Variants in SFMBT2 observed in about 807,000 individuals in gnomAD.
The protein encoded by SFMBT2 is scm-like with four MBT domains protein 2.
Under a neutral mutation model 110.1 loss-of-function variants are expected in SFMBT2, and 38 were observed. That is an observed-to-expected ratio of 0.35 (90% CI 0.27 to 0.45). The LOEUF is 0.45. Ranked by LOEUF, SFMBT2 falls within the 20% of genes least tolerant of loss-of-function variation. SFMBT2 has a pLI of 1.00. For synonymous variants in SFMBT2, 425 were observed against 425.4 expected (o/e 1.00, Z 0.01); for missense variants, 1,011 against 1,094.9 (o/e 0.92, Z 1.08).
intron 12 of SFMBT2, 130 bp from the exon 13 acceptor site, chr10:7,202,652 A>C: frequency 6.5e-7 from 1 of 1,540,656 alleles, no homozygotes; most frequent in African/African-American, 1.4e-5. Context: ...AAGTTACGTC[A>C]TTCATGCCAC....
intron 6 of SFMBT2, among the ~76,000 whole-genome samples, chr10:7,278,088 C>A (rs1841838854): frequency 6.6e-6 from 1 of 152,246 alleles, no homozygotes; most frequent in African/African-American, 2.4e-5. Context: ...GGGTAATTCA[C>A]AACCACACAT....
intron 7 of SFMBT2, among the ~76,000 whole-genome samples, chr10:7,258,461 A>G (rs987875329): frequency 1.4e-4 from 21 of 152,234 alleles, no homozygotes; most frequent in Non-Finnish European, 2.1e-4. Context: ...TGCACAGTAT[A>G]TAATTTTTTC....
chr10:7,228,687 CTT>C (rs1195207111), intron 9 of SFMBT2, among the ~76,000 whole-genome samples: 1 of 118,294 alleles, frequency 8.5e-6, no homozygotes, highest in Non-Finnish European at 1.7e-5. Context: ...TTCTTTCTTT[CTT>C]TCTTTCTTTC....
rs1846287520 is a variant in SFMBT2 at position 7,408,599 on chromosome 10, C to CCCCG, written c.-52+2258_-52+2261dup. On this transcript the variant is annotated intron_variant, in intron 1 of 20. Transcript: ENST00000397167. The surrounding 1 kb of genome is among the most constrained non-coding windows in gnomAD (Gnocchi z 5.7). ...GGACCGTGCGCGGCCTCCGTGTGGC[C>CCCCG]CCCGCCCACGAGGTCCCTCGGGCAG... 6.6e-6 allele frequency: 1 copy of CCCCG among 152,096 alleles called. No homozygotes were observed. 9.4% of individuals were successfully genotyped at this position (152,096 alleles called of 1,614,324 possible).
intron 9 of SFMBT2, among the ~76,000 whole-genome samples, chr10:7,229,949 C>T (rs1840065953): frequency 1.3e-5 from 2 of 151,706 alleles, no homozygotes; most frequent in Admixed American, 6.6e-5. Context: ...GAACTCCTGA[C>T]CTTATGATCC....
chr10:7,173,040 G>A (rs1011598875), intron 17 of SFMBT2, among the ~76,000 whole-genome samples: 3 of 152,192 alleles, frequency 2.0e-5, no homozygotes, highest in African/African-American at 7.2e-5. Flanking sequence ...TGAGGACACA[G>A]GGTGCAGGTG....
intron 4 of SFMBT2, among the ~76,000 whole-genome samples, chr10:7,358,698 T>G (rs1844608687): frequency 6.8e-6 from 1 of 147,496 alleles, no homozygotes; most frequent in Non-Finnish European, 1.5e-5. Flanking sequence ...AATGGAGGCA[T>G]GGTGGCTCTG....
intron 4 of SFMBT2, among the ~76,000 whole-genome samples, chr10:7,339,654 C>T (rs1312658235): frequency 6.6e-6 from 1 of 152,198 alleles, no homozygotes; most frequent in South Asian, 2.1e-4. Flanking sequence ...CATCCGCTGA[C>T]AGATTTCACA....
At chr10:7,320,220 T>C (rs965989511) in intron 4 of SFMBT2, among the ~76,000 whole-genome samples, 12 of 152,246 alleles carry the variant, frequency 7.9e-5, no homozygotes, top group Non-Finnish European at 1.2e-4. Flanking sequence ...GTTGCTTCCC[T>C]TTCCCATCAA....
chr10:7,328,681 T>C (rs1358030767), intron 4 of SFMBT2, among the ~76,000 whole-genome samples: 1 of 152,256 alleles, frequency 6.6e-6, no homozygotes, highest in Non-Finnish European at 1.5e-5. Context: ...GGAGTCTACA[T>C]AAAACAATTT....
intron 10 of SFMBT2, among the ~76,000 whole-genome samples, chr10:7,223,622 A>C (rs1021614772): frequency 6.6e-6 from 1 of 151,988 alleles, no homozygotes; most frequent in Non-Finnish European, 1.5e-5. Context: ...TAATCCAATA[A>C]ATTTGTTGAT....
intron 4 of SFMBT2, among the ~76,000 whole-genome samples, chr10:7,363,156 G>A (rs911375951): frequency 2.0e-5 from 3 of 152,122 alleles, no homozygotes; most frequent in African/African-American, 7.2e-5. Context: ...AGAATCATGG[G>A]GCGGGTTTTT....
chr10:7,173,171 G>C (rs1837943790), intron 17 of SFMBT2, among the ~76,000 whole-genome samples: 1 of 152,230 alleles, frequency 6.6e-6, no homozygotes, highest in Non-Finnish European at 1.5e-5. Flanking sequence ...AGGGTCTGTG[G>C]TATGTTGTTG....
rs375845750 is a variant in SFMBT2, at chr10:7,258,764, C to T, written c.871-10115G>A. On this transcript the variant is annotated intron_variant, in intron 7 of 20. Transcript: ENST00000397167. The stretch of plus-strand genomic sequence containing the variant: ...CAGATGTTCATTAGAAAATTACTCC[C>T]GTAATACTAGTTTCATTGAAAAACA... 1.2e-4 allele frequency among the ~76,000 whole-genome samples: 19 copies of T among 152,260 alleles called. 1 individual carries two copies. The highest frequency in any genetic ancestry group is 1.2e-3 in the Admixed American group (18 of 15,304).
chr10:7,257,106 G>GGGAGA (rs1841035704), intron 7 of SFMBT2, among the ~76,000 whole-genome samples: 1 of 146,902 alleles, frequency 6.8e-6, no homozygotes, highest in African/African-American at 2.5e-5. Context: ...GGAAGGGGAG[G>GGGAGA]GGAGGGGAGG....
chr10:7,287,142 G>A (rs143868530), intron 4 of SFMBT2, among the ~76,000 whole-genome samples: 1,615 of 148,238 alleles, frequency 0.011, 11 homozygotes, highest in Non-Finnish European at 0.017. Flanking sequence ...AGGCAGTGGC[G>A]GATCTCAGCT....
chr10:7,190,425 C>T (rs1214793155), intron 15 of SFMBT2, among the ~76,000 whole-genome samples: 1 of 152,096 alleles, frequency 6.6e-6, no homozygotes, highest in African/African-American at 2.4e-5. Context: ...TTTGTGACTG[C>T]GAAAAGAAAA....
rs567627886 is a variant in SFMBT2, at chr10:7,285,991, C to CA, written c.437-38dup. The CA allele has an allele frequency of 3.1e-3, 2,604 of 837,840 alleles. 26 individuals are homozygous for CA. The highest frequency in any genetic ancestry group is 3.6e-3 in the Non-Finnish European group (1,720 of 481,298). The allele number at this position is 837,840 out of a possible 1,614,324, so 51.9% of individuals were successfully genotyped here. ...AAGGAGAAAGAAAAACAAAACAAAA[C>CA]AAAAAAAACACTTCAACACAGCAGC... On this transcript the variant is annotated intron_variant, in intron 4 of 20. Coordinates refer to ENST00000397167, the MANE Select transcript of SFMBT2 (RefSeq NM_001387889.1).
intron 8 of SFMBT2, chr10:7,246,158 C>G: frequency 1.0e-6 from 1 of 984,758 alleles, no homozygotes; most frequent in Non-Finnish European, 1.2e-6. Flanking sequence ...GTATACGAAA[C>G]GGCATGACTT....
Sources: gnomAD v4.1 joint callset for allele counts (sites outside exome capture counted in the v4.1 genomes callset) on GRCh38, gnomAD v4.1.1 for gene constraint, Gnocchi (gnomAD v3.1) non-coding constraint, MANE v1.5 for transcripts, NCBI Gene and HGNC (gene_info 2026-07-23, HGNC 2026-07-21) for gene names.